Variants in CWC22 observed in about 807,000 individuals in gnomAD.
CWC22 encodes CWC22 spliceosome associated protein.
A neutral mutation model predicts 117.2 loss-of-function variants in CWC22; 53 were observed. That is an observed-to-expected ratio of 0.45 (90% CI 0.36 to 0.57). The LOEUF (loss-of-function observed/expected upper bound fraction) is 0.57, where lower values mean the gene tolerates loss of function less well. Among genes scored for constraint, CWC22 ranks in the 20% least tolerant of loss-of-function variants. CWC22 has a pLI of 0.00. For missense variants in CWC22, 980 were observed against 1,068.8 expected (o/e 0.92, Z 1.16); for synonymous variants, 360 against 355.6 (o/e 1.01, Z -0.14).
intron 1 of CWC22, among the ~76,000 whole-genome samples, chr2:179,995,818 G>A (rs985093302): frequency 2.5e-4 from 38 of 152,176 alleles, no homozygotes; most frequent in Non-Finnish European, 4.6e-4. Flanking sequence ...TCTGTACCAC[G>A]CAAGGGTGGC....
chr2:179,989,580 C>T (rs1311675021), intron 2 of CWC22, among the ~76,000 whole-genome samples: 2 of 152,178 alleles, frequency 1.3e-5, no homozygotes, highest in African/African-American at 4.8e-5. Context: ...AGGGTATAAG[C>T]ACTATTCCAA....
At chr2:179,960,784 T>G (rs918450398) in intron 13 of CWC22, among the ~76,000 whole-genome samples, 1 of 152,044 alleles carries the variant, frequency 6.6e-6, no homozygotes, top group African/African-American at 2.4e-5. Context: ...ATACTTAATT[T>G]GAAAAGTCAT....
intron 1 of CWC22, among the ~76,000 whole-genome samples, chr2:179,995,726 A>G (rs1687681345): frequency 6.6e-6 from 1 of 152,224 alleles, no homozygotes; most frequent in African/African-American, 2.4e-5. Flanking sequence ...CTGAGTCTAG[A>G]GGAGAGTAGA....
Position 180,004,035 on chromosome 2 carries a change from T to C in CWC22, c.-114+2832A>G, listed in dbSNP as rs187087696. Among the ~76,000 whole-genome samples, 6 of 152,348 alleles carry C rather than the reference T, an allele frequency of 3.9e-5. No homozygotes were observed. The East Asian group carries it at 1.2e-3, about 29-fold the overall frequency. On this transcript the variant is annotated intron_variant, in intron 1 of 19. Coordinates refer to ENST00000410053, the MANE Select transcript of CWC22 (RefSeq NM_020943.3). ...GAAACTAGTATGCTCTCTGGCTTTATTGTTCCACCACCCTCCCATGCTCAG... is the reference window on the plus strand; with the variant it reads ...GAAACTAGTATGCTCTCTGGCTTTACTGTTCCACCACCCTCCCATGCTCAG...
chr2:179,978,605 AATTT>A (rs1241867625), intron 5 of CWC22, among the ~76,000 whole-genome samples: 1 of 149,484 alleles, frequency 6.7e-6, no homozygotes, highest in Non-Finnish European at 1.5e-5. Context: ...TAGTACATTT[AATTT>A]ATTAGTCAAA....
intron 1 of CWC22, among the ~76,000 whole-genome samples, chr2:179,994,584 A>T (rs959308844): frequency 3.3e-5 from 5 of 152,318 alleles, no homozygotes; most frequent in African/African-American, 1.2e-4. Context: ...TATACGAATT[A>T]CTAAGTCAAG....
At chr2:179,996,201 G>A (rs1419365610) in intron 1 of CWC22, among the ~76,000 whole-genome samples, 2 of 152,144 alleles carry the variant, frequency 1.3e-5, no homozygotes, top group Non-Finnish European at 2.9e-5. Context: ...TTTAAAAAAT[G>A]TGGCCCAATC....
chr2:179,952,138 A>T (rs1469693135), intron 17 of CWC22, among the ~76,000 whole-genome samples: 1 of 152,152 alleles, frequency 6.6e-6, no homozygotes, highest in South Asian at 2.1e-4. Context: ...CACTGATAAT[A>T]TTAGTTATCA....
rs1189901917 is a variant in CWC22 at position 179,975,855 on chromosome 2, A to G, written c.582-2053T>C. 3.3e-5 allele frequency among the ~76,000 whole-genome samples: 5 copies of G among 152,334 alleles called. No homozygotes were observed. In the East Asian group the frequency reaches 5.8e-4, roughly 18 times the overall value. ...CCAAAGCAACATACAGACTGGACTC[A>G]ATCCCTATCAAAATTCCAGTTACGT... is the stretch of plus-strand genomic sequence containing the variant. On this transcript the variant is annotated intron_variant, in intron 6 of 19. Coordinates refer to ENST00000410053, the MANE Select transcript of CWC22 (RefSeq NM_020943.3).
chr2:179,947,035 CTT>C (rs1686325423), intron 19 of CWC22, among the ~76,000 whole-genome samples: 1 of 152,216 alleles, frequency 6.6e-6, no homozygotes, highest in East Asian at 1.9e-4. Context: ...ATAAAACAAA[CTT>C]AATCAGTTTA....
chr2:179,981,694 T>C, intron 5 of CWC22, 58 bp downstream of exon 5: 1 of 1,448,996 alleles, frequency 6.9e-7, no homozygotes, highest in East Asian at 2.3e-5. Context: ...TAAACCACAG[T>C]TGACTTATTT....
intron 12 of CWC22, among the ~76,000 whole-genome samples, chr2:179,965,513 G>T (rs910486216): frequency 6.6e-6 from 1 of 152,170 alleles, no homozygotes; most frequent in Non-Finnish European, 1.5e-5. Flanking sequence ...TCACATTCCT[G>T]CCAGGGCTAC....
At chr2:179,968,958 A>G (rs531314441) in intron 11 of CWC22, among the ~76,000 whole-genome samples, 1 of 152,308 alleles carries the variant, frequency 6.6e-6, no homozygotes, top group Non-Finnish European at 1.5e-5. Context: ...ATATTCTTTT[A>G]TATTGTTTTA....
At chr2:179,975,208 C>T (rs1027332882) in intron 6 of CWC22, among the ~76,000 whole-genome samples, 9 of 152,140 alleles carry the variant, frequency 5.9e-5, no homozygotes, top group Admixed American at 5.2e-4. Context: ...TTATAGAATA[C>T]GGTGATTCCC....
intron 19 of CWC22, among the ~76,000 whole-genome samples, chr2:179,947,771 A>G (rs1686346136): frequency 2.0e-5 from 3 of 152,242 alleles, no homozygotes; most frequent in Admixed American, 2.0e-4. Flanking sequence ...ACAGTATGTA[A>G]AACACTTTGA....
chr2:179,947,204 C>T (rs958342035), intron 19 of CWC22, among the ~76,000 whole-genome samples: 13 of 152,146 alleles, frequency 8.5e-5, no homozygotes, highest in Admixed American at 2.6e-4. Context: ...CTATTTCTTC[C>T]GCTAAATGCA....
intron 1 of CWC22, among the ~76,000 whole-genome samples, chr2:180,003,671 A>C (rs1687899557): frequency 6.6e-6 from 1 of 152,184 alleles, no homozygotes; most frequent in Admixed American, 6.5e-5. Context: ...TATTTCAGGA[A>C]GGACTCACAG....
At chr2:179,967,943 T>C (rs1412743222) in intron 11 of CWC22, among the ~76,000 whole-genome samples, 1 of 152,148 alleles carries the variant, frequency 6.6e-6, no homozygotes, top group Non-Finnish European at 1.5e-5. Flanking sequence ...TAACAATATC[T>C]GCGATGATGA....
chr2:179,955,860 A>G (rs1001264824), intron 14 of CWC22, among the ~76,000 whole-genome samples: 2 of 152,042 alleles, frequency 1.3e-5, no homozygotes, highest in African/African-American at 4.8e-5. Context: ...GCAATGTCAT[A>G]GATGAAAAAA....
Sources: allele counts gnomAD v4.1 joint callset (sites outside exome capture counted in the v4.1 genomes callset), GRCh38; gene constraint gnomAD v4.1.1; transcripts MANE v1.5; gene names NCBI Gene and HGNC (gene_info 2026-07-23, HGNC 2026-07-21).